The following LRRC36 variants were observed in gnomAD, a reference collection of about 807,000 sequenced individuals.
The protein encoded by LRRC36 is leucine rich repeat containing 36, also known as leucine-rich repeat-containing protein 36.
Under a neutral mutation model 81.1 loss-of-function variants are expected in LRRC36, and 62 were observed. The ratio of observed to expected loss-of-function variants is 0.76; its 90% confidence interval spans 0.62 to 0.94. LRRC36 has a LOEUF of 0.94. LRRC36 is among the 40% of genes least tolerant of loss of function. The pLI is 0.00. For synonymous variants in LRRC36, 334 were observed against 348.6 expected (o/e 0.96, Z 0.47); for missense variants, 761 against 881.7 (o/e 0.86, Z 1.73).
At chr16:67,377,140 A>C (rs990826713) in intron 11 of LRRC36, among the ~76,000 whole-genome samples, 1 of 152,184 alleles carries the variant, frequency 6.6e-6, no homozygotes, top group Non-Finnish European at 1.5e-5. Flanking sequence ...TAGAGTGGAA[A>C]TGTTTAGGAT....
chr16:67,384,880 G>GTAACTAA lies in LRRC36; in HGVS notation c.2058_2064dup (p.Glu689AsnfsTer2), dbSNP rs754105017. The GTAACTAA allele has an allele frequency of 6.2e-7, 1 of 1,613,914 alleles. No individual in the cohort carries two copies. Among genetic ancestry groups the GTAACTAA allele is most frequent in the South Asian group, 1.1e-5 (1 of 91,080 alleles). On this transcript the variant is annotated frameshift_variant, in exon 14 of 14. Transcript: ENST00000329956. LOFTEE classifies it high-confidence loss of function. The stretch of plus-strand genomic sequence containing the variant: ...TCCCTTGGGCCTCAGATCCCTGGTG[G>GTAACTAA]TAACTAATGAGTATCTGCTGCAGCA...
At chr16:67,331,337 A>G (rs900851515) in intron 1 of LRRC36, among the ~76,000 whole-genome samples, 7 of 152,154 alleles carry the variant, frequency 4.6e-5, no homozygotes, top group Admixed American at 2.6e-4. Flanking sequence ...CAGCCTGGGC[A>G]ACACAGCAAG....
chr16:67,334,282 G>A (rs946486566), intron 1 of LRRC36, among the ~76,000 whole-genome samples: 1 of 151,818 alleles, frequency 6.6e-6, no homozygotes, highest in Non-Finnish European at 1.5e-5. Flanking sequence ...GCTTCCCAAA[G>A]TGCTGGGATT....
chr16:67,362,352 G>T, intron 5 of LRRC36: 1 of 327,234 alleles, frequency 3.1e-6, no homozygotes, highest in Non-Finnish European at 6.1e-6. Context: ...TAGTAGAGAC[G>T]GGATTTCACC....
rs2040241173 is a variant in LRRC36 at position 67,384,943 on chromosome 16, C to A, written c.2119C>A (p.Leu707Ile). ...KEPKGYSGKA[L>I]LPPEKGHHLG... The stretch of plus-strand genomic sequence containing the variant: ...GCCAAAAGGTTATTCCGGGAAAGCG[C>A]TCCTGCCTCCTGAGAAGGGTCATCA... The change falls in exon 14 of 14, where the codon CTC becomes ATC. Residue 707 changes from leucine (L) to isoleucine (I), a missense_variant. By Grantham distance (5) the Leu-to-Ile change is conservative. Coordinates refer to ENST00000329956, the MANE Select transcript of LRRC36 (RefSeq NM_018296.6). 1 of 1,614,204 alleles carries A rather than the reference C, an allele frequency of 6.2e-7. No homozygotes were observed. Among genetic ancestry groups the A allele is most frequent in the Non-Finnish European group, 8.5e-7 (1 of 1,180,040 alleles).
rs549555838 is a variant in LRRC36 at position 67,326,823 on chromosome 16, G to T, written c.-40G>T. 21 of 1,402,590 alleles carry T rather than the reference G, an allele frequency of 1.5e-5. No homozygotes were observed. The South Asian group carries it at 1.8e-4, about 12-fold the overall frequency. 86.9% of individuals were successfully genotyped at this position (1,402,590 alleles called of 1,614,324 possible). ...AGTGGGCGGGGCCTGGCGTGCGCCG[G>T]GTGGTCTCGCGGGCGGTGGCAGGTG... On this transcript the variant is annotated 5_prime_UTR_variant, in exon 1 of 14. Coordinates refer to ENST00000329956, the MANE Select transcript of LRRC36 (RefSeq NM_018296.6).
Position 67,346,415 on chromosome 16 carries a change from G to A in LRRC36, c.358G>A (p.Ala120Thr), listed in dbSNP as rs2038350525. The A allele has an allele frequency of 6.2e-7, 1 of 1,611,674 alleles. No homozygotes were observed. The highest frequency in any genetic ancestry group is 1.7e-5 in the Admixed American group (1 of 59,936). The change falls in exon 3 of 14, where the codon GCT becomes ACT. Residue 120 changes from alanine to threonine, a missense_variant. Transcript: ENST00000329956. ...GAAAGATACAGATTATAGGCTCTTT[G>A]CTGTATATACACTACAAACTCTGGA... is the stretch of plus-strand genomic sequence containing the variant. ...VRKDTDYRLF[A>T]VYTLQTLEKL...
In LRRC36 at chr16:67,331,069, A is replaced by AAGAGAGAGAGAGAGAGAGAG. The variant is rs71145966; in HGVS notation, c.70+4163_70+4182dup. ...GTGCATGTGTGAGATGTGAGAGAGAAAGAGAGAGAGAGAGAGAGAGAGAGA... is the reference window on the plus strand; with the variant it reads ...GTGCATGTGTGAGATGTGAGAGAGAAAGAGAGAGAGAGAGAGAGAGAGAGAGAGAGAGAGAGAGAGAGAGA... On this transcript the variant is annotated intron_variant, in intron 1 of 13. Transcript: ENST00000329956. 2.2e-3 allele frequency among the ~76,000 whole-genome samples: 264 copies of AAGAGAGAGAGAGAGAGAGAG among 118,610 alleles called. 7 individuals are homozygous for AAGAGAGAGAGAGAGAGAGAG. Among genetic ancestry groups the AAGAGAGAGAGAGAGAGAGAG allele is most frequent in the African/African-American group, 8.8e-3 (247 of 27,946 alleles). 77.8% of individuals were successfully genotyped at this position (118,610 alleles called of 152,430 possible). A position where few individuals can be genotyped will look rare whatever the true frequency, so the allele number is the denominator to read the frequency against.
chr16:67,369,710 G>A (rs941157444), intron 8 of LRRC36, among the ~76,000 whole-genome samples: 2 of 152,192 alleles, frequency 1.3e-5, no homozygotes, highest in African/African-American at 2.4e-5. Context: ...GCAAAGTCAC[G>A]TCTTACATGG....
chr16:67,350,177 GTAAA>G (rs1567477954), intron 4 of LRRC36, 21 bp from the exon 5 acceptor site: 2 of 1,319,818 alleles, frequency 1.5e-6, no homozygotes, highest in Non-Finnish European at 2.1e-6. Flanking sequence ...TTTTTGAGTT[GTAAA>G]TAAATTATTC....
Position 67,378,616 on chromosome 16 carries a change from G to A in LRRC36, c.1834G>A (p.Val612Met). Residue 612 changes from valine (V) to methionine (M), a missense_variant, in exon 12 of 14, where the codon GTG (valine) becomes ATG (methionine). Coordinates refer to ENST00000329956, the MANE Select transcript of LRRC36 (RefSeq NM_018296.6). ...AAGTTTGAAGCAAAAACTGGTCAGA[G>A]TGCTGGAGGAAAACCTCATTTTGTC... ...MESLKQKLVRVLEENLILSEK... is the reference protein window; with the variant it reads ...MESLKQKLVRMLEENLILSEK... 1.9e-6 allele frequency: 3 copies of A among 1,614,076 alleles called. No homozygotes were observed. Among genetic ancestry groups the A allele is most frequent in the Non-Finnish European group, 2.5e-6 (3 of 1,179,954 alleles).
Position 67,367,211 on chromosome 16 carries a change from A to T in LRRC36, c.949A>T (p.Ser317Cys). The change falls in exon 8 of 14, where the codon AGC becomes TGC. Residue 317 changes from serine (S) to cysteine (C), a missense_variant. Around this residue, in one of 3 missense-constraint regions of LRRC36, gnomAD observed 139 missense variants for 214.0 expected, o/e 0.65. Transcript: ENST00000329956. ...LSKCLDVGDSSQIHPYQLPSD... is the reference protein window; with the variant it reads ...LSKCLDVGDSCQIHPYQLPSD... ...TAAATGCCTGGATGTGGGTGATTCT[A>T]GCCAGATCCATCCCTATCAGTTACC... The T allele has an allele frequency of 6.2e-7, 1 of 1,614,188 alleles. No individual in the cohort carries two copies. The highest frequency in any genetic ancestry group is 8.5e-7 in the Non-Finnish European group (1 of 1,180,010).
At chr16:67,352,930 T>G (rs982249716) in intron 5 of LRRC36, among the ~76,000 whole-genome samples, 3 of 151,916 alleles carry the variant, frequency 2.0e-5, no homozygotes, top group Non-Finnish European at 1.5e-5. Context: ...CAAGCAATTT[T>G]CCCCCCTCAG....
Position 67,371,324 on chromosome 16 carries a change from G to A in LRRC36, c.1494+82G>A, listed in dbSNP as rs764164699. 166 of 1,506,620 alleles carry A rather than the reference G, an allele frequency of 1.1e-4. No individual in the cohort carries two copies. The African/African-American group carries it at 1.9e-3, about 17-fold the overall frequency. 93.3% of individuals were successfully genotyped at this position (1,506,620 alleles called of 1,614,324 possible). ...TGAGGGTTCTGTTGGGAATGGAGGT[G>A]GTTCTGACCAACAGGGCTAGAAATT... is the stretch of plus-strand genomic sequence containing the variant. On this transcript the variant is annotated intron_variant, in intron 9 of 13. Transcript: ENST00000329956.
intron 10 of LRRC36, among the ~76,000 whole-genome samples, chr16:67,376,109 A>G (rs1353095247): frequency 6.6e-6 from 1 of 152,214 alleles, no homozygotes; most frequent in Non-Finnish European, 1.5e-5. Flanking sequence ...GGAGTTCGAC[A>G]CCAGCCTGGC....
chr16:67,362,355 A>T (rs907975742), intron 5 of LRRC36: 3 of 324,238 alleles, frequency 9.3e-6, no homozygotes, highest in Non-Finnish European at 1.8e-5. Flanking sequence ...TAGAGACGGG[A>T]TTTCACCAGG....
At chr16:67,360,274 G>A (rs1312034573) in intron 5 of LRRC36, among the ~76,000 whole-genome samples, 3 of 152,196 alleles carry the variant, frequency 2.0e-5, no homozygotes, top group African/African-American at 7.2e-5. Context: ...GTAAGTGATA[G>A]CTAAAACCCA....
chr16:67,345,725 G>A (rs1214290462), intron 2 of LRRC36, among the ~76,000 whole-genome samples: 1 of 151,750 alleles, frequency 6.6e-6, no homozygotes, highest in African/African-American at 2.4e-5. Flanking sequence ...GACCATATAA[G>A]TGAGGCACTG....
In LRRC36 at chr16:67,347,524, A is replaced by G; in HGVS notation, c.421A>G (p.Lys141Glu). Residue 141 changes from lysine to glutamate, a missense_variant, in exon 4 of 14, where the codon AAA becomes GAA. Lys to Glu is a moderately conservative substitution (Grantham distance 56). Around this residue, in one of 3 missense-constraint regions of LRRC36, gnomAD observed 263 missense variants for 279.3 expected, o/e 0.94. Transcript: ENST00000329956. ...CCGAACTGTACGTGAAGGTGAGAGA[A>G]AAGCTGCCAAGCTGCATTTTAGTCA... ...DDRTVREGER[K>E]AAKLHFSQLG... 6.2e-7 allele frequency: 1 copy of G among 1,613,372 alleles called. No individual in the cohort carries two copies. Among genetic ancestry groups the G allele is most frequent in the Non-Finnish European group, 8.5e-7 (1 of 1,179,370 alleles).
Sources: gnomAD v4.1 joint callset for allele counts (sites outside exome capture counted in the v4.1 genomes callset) on GRCh38, gnomAD v4.1.1 for gene constraint, gnomAD v4.1.1 regional missense constraint, MANE v1.5 for transcripts, NCBI Gene and HGNC (gene_info 2026-07-23, HGNC 2026-07-21) for gene names.